ADGRL3: variants seen among roughly 807,000 people sequenced by gnomAD.
The protein encoded by ADGRL3 is adhesion G protein-coupled receptor L3.
Under a neutral mutation model 153.5 loss-of-function variants are expected in ADGRL3, and 62 were observed. The ratio of observed to expected loss-of-function variants is 0.40; its 90% CI spans 0.33 to 0.50. The LOEUF (loss-of-function observed/expected upper bound fraction) is 0.50, where lower values mean the gene tolerates loss of function less well. Ranked by LOEUF, ADGRL3 falls within the 20% of genes least tolerant of loss-of-function variation. ADGRL3 has a pLI of 0.47. For synonymous variants in ADGRL3, 710 were observed against 672.5 expected (o/e 1.06, Z -0.86); for missense variants, 1,641 against 1,859.4 (o/e 0.88, Z 2.16).
At chr4:61,639,743 G>T (rs1242240552) in intron 5 of ADGRL3, among the ~76,000 whole-genome samples, 1 of 152,076 alleles carries the variant, frequency 6.6e-6, no homozygotes, top group South Asian at 2.1e-4. Flanking sequence ...TAAGGAAAAT[G>T]AATCCACATT....
chr4:61,591,234 G>C (rs1179345043), intron 5 of ADGRL3, among the ~76,000 whole-genome samples: 2 of 152,084 alleles, frequency 1.3e-5, no homozygotes, highest in African/African-American at 4.8e-5. Context: ...TATTTTTAAT[G>C]TAAATTTGTT....
intron 5 of ADGRL3, among the ~76,000 whole-genome samples, chr4:61,630,602 T>G (rs2093101997): frequency 6.6e-6 from 1 of 152,232 alleles, no homozygotes; most frequent in South Asian, 2.1e-4. Flanking sequence ...TGATTCTTAC[T>G]GCTGAAGTGT....
intron 5 of ADGRL3, among the ~76,000 whole-genome samples, chr4:61,644,102 G>T: frequency 2.8e-5 from 2 of 72,058 alleles, no homozygotes; most frequent in Non-Finnish European, 5.7e-5. Flanking sequence ...ATTCTCTGAT[G>T]GTAGTTTGTA....
chr4:61,825,583 C>G (rs908562840), intron 9 of ADGRL3, among the ~76,000 whole-genome samples: 6 of 152,024 alleles, frequency 3.9e-5, no homozygotes, highest in Admixed American at 6.6e-5. Flanking sequence ...CTAAAAATCT[C>G]AAATATATGT....
intron 2 of ADGRL3, among the ~76,000 whole-genome samples, chr4:61,480,847 A>AT (rs1011446096): frequency 1.4e-4 from 21 of 152,224 alleles, no homozygotes; most frequent in African/African-American, 4.8e-4. Context: ...CTAAGTAGAT[A>AT]TTTTTTCTAA....
intron 2 of ADGRL3, among the ~76,000 whole-genome samples, chr4:61,476,010 G>T (rs949222716): frequency 6.6e-6 from 1 of 152,050 alleles, no homozygotes; most frequent in African/African-American, 2.4e-5. Context: ...TGGCTCATGG[G>T]CATTTCTTTG....
rs1022478468 is a variant in ADGRL3, at chr4:61,336,105, A to T, written c.-239-47019A>T. On this transcript the variant is annotated intron_variant, in intron 1 of 26. Coordinates refer to ENST00000683033, the MANE Select transcript of ADGRL3 (RefSeq NM_001387552.1). ...TATTAGGTATATTCTACATGTACTT[A>T]TTTATTGTGTATAGAATGAATAATA... Among the ~76,000 whole-genome samples the T allele has an allele frequency of 2.6e-5, 4 of 152,196 alleles. No individual in the cohort carries two copies. In the South Asian group the frequency reaches 6.2e-4, roughly 24 times the overall value.
At chr4:61,608,404 T>C (rs900680400) in intron 5 of ADGRL3, among the ~76,000 whole-genome samples, 1 of 152,134 alleles carries the variant, frequency 6.6e-6, no homozygotes, top group African/African-American at 2.4e-5. Flanking sequence ...AAAAACCCTC[T>C]TACAGTTGAC....
At chr4:61,375,724 T>A (rs1220487801) in intron 1 of ADGRL3, among the ~76,000 whole-genome samples, 1 of 152,164 alleles carries the variant, frequency 6.6e-6, no homozygotes, top group African/African-American at 2.4e-5. Context: ...ATGCAATCTT[T>A]CCAAAATACA....
intron 13 of ADGRL3, among the ~76,000 whole-genome samples, chr4:61,923,381 A>T (rs2098779269): frequency 6.6e-6 from 1 of 152,162 alleles, no homozygotes; most frequent in Admixed American, 6.5e-5. Flanking sequence ...AATGTTTTAA[A>T]AATGCAAATC....
chr4:61,642,845 G>A (rs2093751918), intron 5 of ADGRL3, among the ~76,000 whole-genome samples: 1 of 152,102 alleles, frequency 6.6e-6, no homozygotes, highest in African/African-American at 2.4e-5. Context: ...GTAGCTTGAT[G>A]GGGATGGCAT....
intron 2 of ADGRL3, among the ~76,000 whole-genome samples, chr4:61,456,789 A>G (rs767907290): frequency 3.3e-4 from 50 of 152,012 alleles, no homozygotes; most frequent in Non-Finnish European, 5.3e-4. Context: ...TTCATTTGTC[A>G]GTTAAAATTC....
Position 61,733,069 on chromosome 4 carries a change from T to A in ADGRL3, c.914T>A (p.Ile305Lys), listed in dbSNP as rs1455738742. ...GTAAAGTTTGATTTGCGGACTAGGA[T>A]AAAGAGTGGAGAGGCTATCATAGCA... ...NIVKFDLRTRIKSGEAIIANA... is the reference protein window; with the variant it reads ...NIVKFDLRTRKKSGEAIIANA... Residue 305 changes from isoleucine to lysine, a missense_variant, in exon 8 of 27, where the codon ATA (isoleucine) becomes AAA (lysine). By Grantham distance (102) the Ile-to-Lys change is moderately radical (BLOSUM62 -3). This residue lies in a region of ADGRL3 where 213 missense variants were observed against 362.1 expected (regional missense o/e 0.59). Coordinates refer to ENST00000683033, the MANE Select transcript of ADGRL3 (RefSeq NM_001387552.1). 6.2e-7 allele frequency: 1 copy of A among 1,613,536 alleles called. No homozygotes were observed. Among genetic ancestry groups the A allele is most frequent in the Non-Finnish European group, 8.5e-7 (1 of 1,179,822 alleles).
At chr4:61,554,360 AT>A (rs1314514906) in intron 4 of ADGRL3, among the ~76,000 whole-genome samples, 2 of 151,502 alleles carry the variant, frequency 1.3e-5, no homozygotes, top group Admixed American at 6.6e-5. Flanking sequence ...CGTCTAGCTA[AT>A]TTTTTTGTAT....
chr4:61,468,776 G>A (rs558470502), intron 2 of ADGRL3, among the ~76,000 whole-genome samples: 18 of 151,946 alleles, frequency 1.2e-4, no homozygotes, highest in South Asian at 1.0e-3. Flanking sequence ...GTTTATCAGA[G>A]TCTACACCAC....
At chr4:61,415,927 A>G (rs1175429402) in intron 2 of ADGRL3, among the ~76,000 whole-genome samples, 1 of 152,040 alleles carries the variant, frequency 6.6e-6, no homozygotes, top group Non-Finnish European at 1.5e-5. Flanking sequence ...TTGCTTCTGA[A>G]CTGTTTTTTC....
intron 5 of ADGRL3, among the ~76,000 whole-genome samples, chr4:61,619,368 A>G (rs1031815629): frequency 6.6e-6 from 1 of 152,174 alleles, no homozygotes. Context: ...CAACTCTGTT[A>G]AGAAATCAGA....
chr4:61,212,521 A>G (rs968300962), intron 1 of ADGRL3, among the ~76,000 whole-genome samples: 1 of 152,320 alleles, frequency 6.6e-6, no homozygotes, highest in East Asian at 1.9e-4. Context: ...ATATGGGCTC[A>G]TTATTACCAA....
Position 61,202,952 on chromosome 4 carries a change from G to GA in ADGRL3, c.-240+1191dup, listed in dbSNP as rs1410749149. ...AAATCGCCTGGGATCCTCTTAACTG[G>GA]AAAATCTGGTTTGAGGAGGCCACGG... On this transcript the variant is annotated intron_variant, in intron 1 of 26. Transcript: ENST00000683033. The surrounding 1 kb of genome is among the most constrained non-coding windows in gnomAD (Gnocchi z 5.0). Among the ~76,000 whole-genome samples the GA allele has an allele frequency of 6.6e-6, 1 of 152,174 alleles. No individual in the cohort carries two copies. Among genetic ancestry groups the GA allele is most frequent in the Non-Finnish European group, 1.5e-5 (1 of 68,024 alleles).
Sources: gnomAD v4.1 joint callset for allele counts (sites outside exome capture counted in the v4.1 genomes callset) on GRCh38, gnomAD v4.1.1 for gene constraint, gnomAD v4.1.1 regional missense constraint, Gnocchi (gnomAD v3.1) non-coding constraint, MANE v1.5 for transcripts, NCBI Gene and HGNC (gene_info 2026-07-23, HGNC 2026-07-21) for gene names.